LILRB4: variants seen among roughly 807,000 people sequenced by gnomAD.
LILRB4 encodes leukocyte immunoglobulin-like receptor subfamily B member 4.
In LILRB4, 49 loss-of-function variants were observed where a neutral mutation model predicts 55.2. The ratio of observed to expected loss-of-function variants is 0.89; its 90% CI spans 0.71 to 1.13. The LOEUF (loss-of-function observed/expected upper bound fraction) is 1.13. Ranked by LOEUF, LILRB4 falls within the 50% of genes most tolerant of loss-of-function variation. The probability of loss-of-function intolerance (pLI) is 0.00; values close to 1 mark genes in which losing one functional copy is unlikely to be tolerated. For synonymous variants in LILRB4, 229 were observed against 213.8 expected (o/e 1.07, Z -0.62); for missense variants, 590 against 555.2 (o/e 1.06, Z -0.63).
Position 54,666,535 on chromosome 19 carries a change from A to G in LILRB4, c.988+99A>G. 6.7e-7 allele frequency: 1 copy of G among 1,503,548 alleles called. No homozygotes were observed. The highest frequency in any genetic ancestry group is 9.2e-7 in the Non-Finnish European group (1 of 1,091,572). The allele number at this position is 1,503,548 out of a possible 1,614,324, so 93.1% of individuals were successfully genotyped here. On this transcript the variant is annotated intron_variant, in intron 9 of 11. Transcript: ENST00000430952. The surrounding 1 kb of genome is among the most constrained non-coding windows in gnomAD (Gnocchi z 4.8). ...GAGCACAGGCTAGGATTGGTCAGGG[A>G]CTCAGGGAGAAGTGGTCTGAACCCA...
chr19:54,666,128 T>C lies in LILRB4; in HGVS notation c.875-112T>C. 7.8e-7 allele frequency: 1 copy of C among 1,276,836 alleles called. No homozygotes were observed. Among genetic ancestry groups the C allele is most frequent in the Non-Finnish European group, 1.1e-6 (1 of 918,036 alleles). The allele number at this position is 1,276,836 out of a possible 1,614,324, so 79.1% of individuals were successfully genotyped here. A position where few individuals can be genotyped will look rare whatever the true frequency, so the allele number is the denominator to read the frequency against. ...TCGGTTTTTCTAAACTTAGAAAGTA[T>C]TTAAAACATCCTTGCAAGTGTATTT... is the stretch of plus-strand genomic sequence containing the variant. On this transcript the variant is annotated intron_variant, in intron 7 of 11. Coordinates refer to ENST00000430952, the Ensembl canonical transcript of LILRB4. This position sits in a 1 kb window ranked among gnomAD's most constrained non-coding sequence, Gnocchi z 4.8.
chr19:54,667,532 T>C, intron 10 of LILRB4, 103 bp from the exon 11 acceptor site: 1 of 1,558,352 alleles, frequency 6.4e-7, no homozygotes, highest in East Asian at 2.3e-5. Context: ...TGAGATTCCG[T>C]CAGGAAAGGG....
Position 54,663,094 on chromosome 19 carries a change from A to G in LILRB4, c.34+27A>G, listed in dbSNP as rs1180194268. On this transcript the variant is annotated intron_variant, in intron 1 of 11. Coordinates refer to ENST00000430952, the Ensembl canonical transcript of LILRB4. ...TGAGATTTAAAGAGGGGGAGGGGAG[A>G]CCCGAGTCTTGGAGGAAATTTGCCT... 2.5e-6 allele frequency: 4 copies of G among 1,597,326 alleles called. No individual in the cohort carries two copies. The East Asian group carries it at 6.7e-5, about 27-fold the overall frequency.
intron 5 of LILRB4, 132 bp downstream of exon 5, chr19:54,664,981 G>T (rs770312867): frequency 1.5e-6 from 2 of 1,351,170 alleles, no homozygotes; most frequent in South Asian, 1.2e-5. Context: ...GTCGGGCAGC[G>T]ACTTGGGAGG....
chr19:54,665,970 G>A lies in LILRB4; in HGVS notation c.874+39G>A. ...TGGGGGACCCGTGGGCTGATGGAGGGTGGGCTCAGGGCACCAGCCAAAGGG... is the reference window on the plus strand; with the variant it reads ...TGGGGGACCCGTGGGCTGATGGAGGATGGGCTCAGGGCACCAGCCAAAGGG... On this transcript the variant is annotated intron_variant, in intron 7 of 11. Coordinates refer to ENST00000430952, the Ensembl canonical transcript of LILRB4. The surrounding 1 kb of genome is among the most constrained non-coding windows in gnomAD (Gnocchi z 5.5). The A allele has an allele frequency of 1.2e-6, 2 of 1,613,336 alleles. No homozygotes were observed. Among genetic ancestry groups the A allele is most frequent in the East Asian group, 2.2e-5 (1 of 44,866 alleles).
Position 54,664,787 on chromosome 19 carries a change from C to T in LILRB4, c.656-12C>T, listed in dbSNP as rs893684059. 7.7e-6 allele frequency: 12 copies of T among 1,566,178 alleles called. No individual in the cohort carries two copies. The highest frequency in any genetic ancestry group is 1.7e-4 in the Middle Eastern group (1 of 5,864). ...CCCCAGACTCTCACCCTCCTCTTGT[C>T]CTTCTACCCAGGATCCTTGGAGGGT... On this transcript the variant is annotated splice_polypyrimidine_tract_variant and intron_variant, in intron 4 of 11. Transcript: ENST00000430952.
At position 54,666,479 on chromosome 19, in the gene LILRB4, G is replaced by A. The variant is rs938911657; in HGVS notation, c.988+43G>A. 1.9e-6 allele frequency: 3 copies of A among 1,608,782 alleles called. No individual in the cohort carries two copies. In the African/African-American group the frequency reaches 4.0e-5, roughly 21 times the overall value. On this transcript the variant is annotated intron_variant, in intron 9 of 11. Transcript: ENST00000430952. The surrounding 1 kb of genome is among the most constrained non-coding windows in gnomAD (Gnocchi z 4.8). The stretch of plus-strand genomic sequence containing the variant: ...AAGGTGCACCTGGGGTGGAGCTGGG[G>A]GTCCCAAAATTTCAATAGCAATGGG...
chr19:54,666,587 G>T lies in LILRB4; in HGVS notation c.989-110G>T. Reference sequence around the variant, plus strand: ...ATTGTGGGACCTCGGGGACATCACAGCCCCTCCCTGCGTTGCAGTGGCACT... The same window carrying T: ...ATTGTGGGACCTCGGGGACATCACATCCCCTCCCTGCGTTGCAGTGGCACT... On this transcript the variant is annotated intron_variant, in intron 9 of 11. Transcript: ENST00000430952. The surrounding 1 kb of genome is among the most constrained non-coding windows in gnomAD (Gnocchi z 4.8). 1.4e-6 allele frequency: 2 copies of T among 1,423,246 alleles called. No homozygotes were observed. Among genetic ancestry groups the T allele is most frequent in the South Asian group, 2.5e-5 (2 of 80,642 alleles). The allele number at this position is 1,423,246 out of a possible 1,614,324, so 88.2% of individuals were successfully genotyped here.
At chr19:54,664,097 C>G (rs576747039) in intron 3 of LILRB4, 59 bp downstream of exon 3, 3 of 1,601,748 alleles carry the variant, frequency 1.9e-6, no homozygotes, top group Non-Finnish European at 1.7e-6. Context: ...GGGGTCAGCT[C>G]TCAGGGGCAT....
rs1383659755 is a variant in LILRB4, at chr19:54,663,218, G to A, written c.34+151G>A. 108 of 905,434 alleles carry A rather than the reference G, an allele frequency of 1.2e-4. 3 individuals carry two copies. In the South Asian group the frequency reaches 1.6e-3, roughly 13 times the overall value. 56.1% of individuals were successfully genotyped at this position (905,434 alleles called of 1,614,324 possible). On this transcript the variant is annotated intron_variant, in intron 1 of 11. Coordinates refer to ENST00000430952, the Ensembl canonical transcript of LILRB4. ...TCCCAGCACTTTGGGAGGCCGAGGC[G>A]GGCGGATCACGAGGTCAGGAGATCG...
rs535858731 is a variant in LILRB4 at position 54,667,483 on chromosome 19, G to A, written c.1042-155G>A. ...GAGGAGCAGAGACCAGAACCACAGG[G>A]AGGGAGCGGCCAGACCCTCCACGGC... On this transcript the variant is annotated intron_variant, in intron 10 of 11. Coordinates refer to ENST00000430952, the Ensembl canonical transcript of LILRB4. 8.4e-4 allele frequency: 1,187 copies of A among 1,414,018 alleles called. 3 individuals are homozygous for A. Among genetic ancestry groups the A allele is most frequent in the Admixed American group, 3.4e-3 (132 of 38,608 alleles). 87.6% of individuals were successfully genotyped at this position (1,414,018 alleles called of 1,614,324 possible). A position where few individuals can be genotyped will look rare whatever the true frequency, so the allele number is the denominator to read the frequency against.
chr19:54,664,836 C>A, exon 5 of LILRB4: 3 of 1,610,980 alleles, frequency 1.9e-6, no homozygotes, highest in Non-Finnish European at 2.5e-6. Flanking sequence ...CCACAAGGTC[C>A]GTCTCAACAG....
intron 10 of LILRB4, chr19:54,667,096 A>G: frequency 1.3e-5 from 8 of 611,482 alleles, no homozygotes; most frequent in South Asian, 1.2e-4. Context: ...CTCACTGTGG[A>G]TGGGGCTCCC....
rs1240068432 is a variant in LILRB4, at chr19:54,665,821, G to A, written c.764G>A (p.Arg255Lys). The A allele has an allele frequency of 8.1e-6, 13 of 1,606,286 alleles. No individual in the cohort carries two copies. Among genetic ancestry groups the A allele is most frequent in the Non-Finnish European group, 1.0e-5 (12 of 1,176,490 alleles). The change falls in exon 7 of 12, where the codon AGA (arginine) becomes AAA (lysine). Residue 255 changes from arginine (R) to lysine (K), a missense_variant. Coordinates refer to ENST00000430952, the Ensembl canonical transcript of LILRB4. The surrounding 1 kb of genome is among the most constrained non-coding windows in gnomAD (Gnocchi z 5.5). ...TGATGTCATCACGCCCAAGGTCTGA[G>A]AAGGCACTGGGAGGTACTGATCGGG...
chr19:54,665,295 A>G lies in LILRB4; in HGVS notation c.757+115A>G. 7.5e-7 allele frequency: 1 copy of G among 1,339,584 alleles called. No homozygotes were observed. The highest frequency in any genetic ancestry group is 1.0e-6 in the Non-Finnish European group (1 of 986,682). The allele number at this position is 1,339,584 out of a possible 1,614,324, so 83.0% of individuals were successfully genotyped here. A position where few individuals can be genotyped will look rare whatever the true frequency, so the allele number is the denominator to read the frequency against. ...TGATGTGGACAGGCCCCTCCCCTGCATGGGCCTCAGTTTCTCCAAGTGTAA... is the reference window on the plus strand; with the variant it reads ...TGATGTGGACAGGCCCCTCCCCTGCGTGGGCCTCAGTTTCTCCAAGTGTAA... On this transcript the variant is annotated intron_variant, in intron 6 of 11. Transcript: ENST00000430952. This position sits in a 1 kb window ranked among gnomAD's most constrained non-coding sequence, Gnocchi z 5.5.
At position 54,666,765 on chromosome 19, in the gene LILRB4, T is replaced by C. The variant is rs779098839; in HGVS notation, c.1041+16T>C. 3 of 1,613,026 alleles carry C rather than the reference T, an allele frequency of 1.9e-6. No individual in the cohort carries two copies. Among genetic ancestry groups the C allele is most frequent in the East Asian group, 2.2e-5 (1 of 44,866 alleles). ...GGACACTCGGGTGAGAACCCGCCCC[T>C]GTCCCCGGCACCAAAGGCCTCCTGG... On this transcript the variant is annotated intron_variant, in intron 10 of 11. Coordinates refer to ENST00000430952, the Ensembl canonical transcript of LILRB4. This position sits in a 1 kb window ranked among gnomAD's most constrained non-coding sequence, Gnocchi z 4.8.
In LILRB4 at chr19:54,667,496, G is replaced by A. The variant is rs986878707; in HGVS notation, c.1042-142G>A. 4 of 1,469,152 alleles carry A rather than the reference G, an allele frequency of 2.7e-6. No homozygotes were observed. The South Asian group carries it at 4.2e-5, about 15-fold the overall frequency. The allele number at this position is 1,469,152 out of a possible 1,614,324, so 91.0% of individuals were successfully genotyped here. ...CAGAACCACAGGGAGGGAGCGGCCA[G>A]ACCCTCCACGGCCTTAGGGCATCCC... On this transcript the variant is annotated intron_variant, in intron 10 of 11. Coordinates refer to ENST00000430952, the Ensembl canonical transcript of LILRB4.
rs1017366410 is a variant in LILRB4 at position 54,667,104 on chromosome 19, C to T, written c.1041+355C>T. The T allele has an allele frequency of 1.8e-5, 11 of 604,334 alleles. No individual in the cohort carries two copies. In the African/African-American group the frequency reaches 2.0e-4, roughly 11 times the overall value. The allele number at this position is 604,334 out of a possible 1,614,324, so 37.4% of individuals were successfully genotyped here. A position where few individuals can be genotyped will look rare whatever the true frequency, so the allele number is the denominator to read the frequency against. On this transcript the variant is annotated intron_variant, in intron 10 of 11. Transcript: ENST00000430952. ...CAGGGAGCTCACTGTGGATGGGGCTCCCCATGGGAGCTGCAGACACAGCAG... is the reference window on the plus strand; with the variant it reads ...CAGGGAGCTCACTGTGGATGGGGCTTCCCATGGGAGCTGCAGACACAGCAG...
downstream of LILRB4, chr19:54,668,684 A>G (rs2065399838): frequency 6.6e-6 from 1 of 152,272 alleles, no homozygotes; most frequent in South Asian, 2.1e-4. Context: ...CCTGTAATCA[A>G]AAATGTTCCC....
Sources: gnomAD v4.1 joint callset for allele counts on GRCh38, gnomAD v4.1.1 for gene constraint, Gnocchi (gnomAD v3.1) non-coding constraint, MANE v1.5 for transcripts, NCBI Gene and HGNC (gene_info 2026-07-23, HGNC 2026-07-21) for gene names.